The following LIPA variants were observed in gnomAD, a reference collection of about 807,000 sequenced individuals.
LIPA encodes the protein lipase A, lysosomal acid type, also known as lysosomal acid lipase/cholesteryl ester hydrolase.
Under a neutral mutation model 40.6 loss-of-function variants are expected in LIPA, and 26 were observed. The ratio of observed to expected loss-of-function variants is 0.64; its 90% confidence interval spans 0.47 to 0.89. The LOEUF (loss-of-function observed/expected upper bound fraction) is 0.89, where lower values mean the gene tolerates loss of function less well. Among genes scored for constraint, LIPA ranks in the 40% least tolerant of loss-of-function variants. The pLI is 0.00. For missense variants in LIPA, 455 were observed against 479.6 expected, an observed-to-expected ratio of 0.95 and a Z score of 0.48; for synonymous variants, 188 against 168.4, an observed-to-expected ratio of 1.12 and a Z score of -0.90.
At chr10:89,412,814 A>G in exon 2 of LIPA, 1 of 408,838 alleles carries the variant, frequency 2.4e-6, no homozygotes, top group South Asian at 1.7e-5. Flanking sequence ...CTCCAGACAC[A>G]TCTGAACATC....
chr10:89,267,469 T>C (rs1843242282), intron 1 of LIPA, among the ~76,000 whole-genome samples: 2 of 151,156 alleles, frequency 1.3e-5, no homozygotes, highest in Admixed American at 1.3e-4. Context: ...CTCAGTAAAC[T>C]ATCGCAAGAA....
intron 1 of LIPA, among the ~76,000 whole-genome samples, chr10:89,413,997 C>T (rs890076698): frequency 2.0e-5 from 3 of 152,132 alleles, no homozygotes; most frequent in African/African-American, 4.8e-5. Flanking sequence ...CATTTTCTGC[C>T]TAGATCCCCA....
intron 1 of LIPA, among the ~76,000 whole-genome samples, chr10:89,317,113 C>T (rs1211114333): frequency 6.6e-6 from 1 of 152,210 alleles, no homozygotes; most frequent in Non-Finnish European, 1.5e-5. Flanking sequence ...GGGGAGAAAC[C>T]AGAGCAGAAA....
At chr10:89,344,933 C>T (rs945991589), upstream of LIPA, among the ~76,000 whole-genome samples, 2 of 151,878 alleles carry the variant, frequency 1.3e-5, no homozygotes, top group African/African-American at 2.4e-5. Flanking sequence ...TTTGGGAGGC[C>T]GAGGCAGGTG....
chr10:89,247,720 C>T lies in LIPA; in HGVS notation c.-1-71G>A, dbSNP rs1018701432. ...ACAAAAATATTCTGGTAACTTAATG[C>T]TCCCACAAAAAGTTCTGAACCAGAT... is the stretch of plus-strand genomic sequence containing the variant. On this transcript the variant is annotated intron_variant, in intron 1 of 9. Transcript: ENST00000336233. 19 of 1,093,322 alleles carry T rather than the reference C, an allele frequency of 1.7e-5. No individual in the cohort carries two copies. In the African/African-American group the frequency reaches 2.2e-4, roughly 12 times the overall value. The allele number at this position is 1,093,322 out of a possible 1,614,324, so 67.7% of individuals were successfully genotyped here.
chr10:89,399,677 AT>A (rs1844394283), intron 2 of LIPA, among the ~76,000 whole-genome samples: 1 of 152,096 alleles, frequency 6.6e-6, no homozygotes, highest in South Asian at 2.1e-4. Context: ...TCATTCCACC[AT>A]TGTTATGGAA....
At chr10:89,258,359 A>G (rs1843191227) in intron 1 of LIPA, among the ~76,000 whole-genome samples, 1 of 152,234 alleles carries the variant, frequency 6.6e-6, no homozygotes, top group Non-Finnish European at 1.5e-5. Context: ...ATCTTAAGAA[A>G]TTTGAGTTTT....
intron 2 of LIPA, among the ~76,000 whole-genome samples, chr10:89,386,958 T>C (rs1844214148): frequency 8.4e-6 from 1 of 118,872 alleles, no homozygotes. Context: ...TGTGTGTGTG[T>C]GTGTGTGTGT....
At chr10:89,266,195 G>A (rs1201189342) in intron 1 of LIPA, among the ~76,000 whole-genome samples, 5 of 152,202 alleles carry the variant, frequency 3.3e-5, no homozygotes, top group Non-Finnish European at 4.4e-5. Context: ...AACAGCTGAC[G>A]CAGATATTCC....
At position 89,321,780 on chromosome 10, in the gene LIPA, T is replaced by C. The variant is rs183307801; in HGVS notation, c.-2+20831A>G. On this transcript the variant is annotated intron_variant, in intron 1 of 5. Coordinates refer to the LIPA transcript ENST00000282673. ...AAGACACATGTACACGTATGTTTATTGCAGCACTATTCACAATAGCAAAGA... is the reference window on the plus strand; with the variant it reads ...AAGACACATGTACACGTATGTTTATCGCAGCACTATTCACAATAGCAAAGA... Among the ~76,000 whole-genome samples, 8 of 152,352 alleles carry C rather than the reference T, an allele frequency of 5.3e-5. No homozygotes were observed. In the East Asian group the frequency reaches 1.5e-3, roughly 29 times the overall value.
chr10:89,366,007 T>G (rs1474041226), intron 2 of LIPA, among the ~76,000 whole-genome samples: 8 of 152,228 alleles, frequency 5.3e-5, no homozygotes, highest in Non-Finnish European at 1.2e-4. Context: ...GGTAGCTTGA[T>G]GGGGATGGCA....
At chr10:89,372,322 G>C (rs1430785078) in intron 2 of LIPA, among the ~76,000 whole-genome samples, 2 of 152,224 alleles carry the variant, frequency 1.3e-5, no homozygotes, top group Non-Finnish European at 2.9e-5. Flanking sequence ...TCACAGACTA[G>C]ACAGTCTTGG....
chr10:89,378,141 G>A (rs1274496905), intron 2 of LIPA: 12 of 1,613,832 alleles, frequency 7.4e-6, no homozygotes, highest in Non-Finnish European at 5.9e-6. Flanking sequence ...GCACCATGAG[G>A]TAAAGTCTTT....
intron 2 of LIPA, among the ~76,000 whole-genome samples, chr10:89,381,742 G>T (rs1274637796): frequency 2.6e-5 from 4 of 152,004 alleles, no homozygotes; most frequent in African/African-American, 9.7e-5. Context: ...TCATTATCTT[G>T]TGAATCCTTT....
chr10:89,341,514 G>C (rs938359100), intron 1 of LIPA, among the ~76,000 whole-genome samples: 1 of 152,186 alleles, frequency 6.6e-6, no homozygotes, highest in African/African-American at 2.4e-5. Context: ...TCACAAAGGT[G>C]TAAACAGAAA....
At chr10:89,410,936 G>A (rs1454165715) in intron 2 of LIPA, among the ~76,000 whole-genome samples, 1 of 152,138 alleles carries the variant, frequency 6.6e-6, no homozygotes. Flanking sequence ...GACAGAGAGA[G>A]GAAGAGAGAG....
intron 3 of LIPA, among the ~76,000 whole-genome samples, chr10:89,244,383 G>A (rs894401503): frequency 7.9e-5 from 12 of 152,162 alleles, no homozygotes; most frequent in African/African-American, 2.7e-4. Context: ...TCTTTTGCCC[G>A]TATAACACTT....
intron 1 of LIPA, among the ~76,000 whole-genome samples, chr10:89,289,388 G>T (rs948215711): frequency 1.3e-5 from 2 of 152,070 alleles, no homozygotes; most frequent in Non-Finnish European, 2.9e-5. Context: ...GAATGTTCAG[G>T]CCCCCTCCCT....
At chr10:89,350,034 G>A (rs1295479418) in intron 2 of LIPA, among the ~76,000 whole-genome samples, 2 of 152,070 alleles carry the variant, frequency 1.3e-5, no homozygotes, top group Non-Finnish European at 2.9e-5. Flanking sequence ...TCTACCATTA[G>A]TTTCCCCAAA....
Sources: gnomAD v4.1 joint callset for allele counts (sites outside exome capture counted in the v4.1 genomes callset) on GRCh38, gnomAD v4.1.1 for gene constraint, MANE v1.5 for transcripts, NCBI Gene and HGNC (gene_info 2026-07-23, HGNC 2026-07-21) for gene names.